The following NELL1 variants were observed in gnomAD, a reference collection of about 807,000 sequenced individuals.
The protein encoded by NELL1 is protein kinase C-binding protein NELL1.
NELL1 carries 76 observed loss-of-function variants against 107.4 expected under a neutral mutation model. The ratio of observed to expected loss-of-function variants is 0.71; its 90% CI spans 0.59 to 0.86. The LOEUF is 0.86. Among genes scored for constraint, NELL1 ranks in the 40% least tolerant of loss-of-function variants. NELL1 has a pLI of 0.00. For synonymous variants in NELL1, 353 were observed against 341.2 expected (o/e 1.03, Z -0.38); for missense variants, 1,024 against 1,005.5 (o/e 1.02, Z -0.25).
At chr11:20,919,168 A>G (rs1590415100) in intron 6 of NELL1, 84 bp from the exon 7 acceptor site, 1 of 739,524 alleles carries the variant, frequency 1.4e-6, no homozygotes, top group East Asian at 3.1e-5. Context: ...ACTCTTCTAC[A>G]TAGTCACGTA....
chr11:21,105,792 C>G (rs1240980973), intron 12 of NELL1, among the ~76,000 whole-genome samples: 1 of 106,198 alleles, frequency 9.4e-6, no homozygotes, highest in Non-Finnish European at 1.9e-5. Flanking sequence ...CCTCCCCTCC[C>G]CAACCTTCCC....
chr11:20,709,778 A>G (rs1481014754), intron 2 of NELL1, among the ~76,000 whole-genome samples: 1 of 151,970 alleles, frequency 6.6e-6, no homozygotes, highest in East Asian at 1.9e-4. Context: ...GTATATTATT[A>G]ATATTTTATT....
intron 4 of NELL1, among the ~76,000 whole-genome samples, chr11:20,855,888 A>G (rs1348193678): frequency 6.6e-6 from 1 of 152,248 alleles, no homozygotes; most frequent in Non-Finnish European, 1.5e-5. Context: ...AAAAACAAAA[A>G]CAAAACAAAG....
chr11:21,267,359 T>TG (rs912028986), intron 14 of NELL1, among the ~76,000 whole-genome samples: 6 of 152,092 alleles, frequency 3.9e-5, no homozygotes, highest in Admixed American at 3.3e-4. Flanking sequence ...GTATTACCTG[T>TG]GGGGGTTTGA....
chr11:20,752,650 G>A (rs1856168296), intron 2 of NELL1, among the ~76,000 whole-genome samples: 1 of 152,172 alleles, frequency 6.6e-6, no homozygotes, highest in Non-Finnish European at 1.5e-5. Flanking sequence ...TCTAGTTCAA[G>A]TCAGCTTTGG....
At chr11:20,798,635 G>A (rs542521587) in intron 3 of NELL1, among the ~76,000 whole-genome samples, 2 of 152,194 alleles carry the variant, frequency 1.3e-5, no homozygotes, top group South Asian at 4.1e-4. Flanking sequence ...ATGAAAGATA[G>A]ATTTAACTCC....
intron 2 of NELL1, among the ~76,000 whole-genome samples, chr11:20,742,525 T>C (rs1239870932): frequency 2.6e-5 from 4 of 152,126 alleles, no homozygotes; most frequent in Admixed American, 6.5e-5. Context: ...GAAAAGATGT[T>C]TAATAGACTC....
chr11:20,826,648 G>A lies in NELL1; in HGVS notation c.336-20935G>A, dbSNP rs76586545. On this transcript the variant is annotated intron_variant, in intron 3 of 19. Coordinates refer to ENST00000357134, the MANE Select transcript of NELL1 (RefSeq NM_006157.5). ...ATTGCACAATTCTGGATTAGGAACC[G>A]GCTGGGGGATTGACACCCCTTCAGG... Among the ~76,000 whole-genome samples, 4 of 151,086 alleles carry A rather than the reference G, an allele frequency of 2.6e-5. 1 individual carries two copies. Among genetic ancestry groups the A allele is most frequent in the Admixed American group, 1.3e-4 (2 of 15,012 alleles).
chr11:20,806,719 A>G (rs1031996875), intron 3 of NELL1, among the ~76,000 whole-genome samples: 2 of 152,038 alleles, frequency 1.3e-5, no homozygotes, highest in Non-Finnish European at 2.9e-5. Flanking sequence ...GGTGTGCTTC[A>G]TAGTGTTTTA....
intron 15 of NELL1, among the ~76,000 whole-genome samples, chr11:21,495,168 C>G (rs1311744090): frequency 2.6e-5 from 4 of 152,146 alleles, no homozygotes; most frequent in Admixed American, 2.6e-4. Context: ...CGCGTAATCC[C>G]TTTCCCCTAA....
intron 15 of NELL1, among the ~76,000 whole-genome samples, chr11:21,407,900 A>G (rs933626281): frequency 1.3e-5 from 2 of 151,716 alleles, no homozygotes; most frequent in Non-Finnish European, 2.9e-5. Context: ...CATTTCAAAT[A>G]CTCTCATACT....
chr11:21,557,669 G>A (rs537470054), intron 16 of NELL1, among the ~76,000 whole-genome samples: 1 of 151,900 alleles, frequency 6.6e-6, no homozygotes, highest in Non-Finnish European at 1.5e-5. Flanking sequence ...CTAATTTGCT[G>A]TATTTTTTCT....
chr11:21,041,460 C>T (rs1043410773), intron 12 of NELL1, among the ~76,000 whole-genome samples: 2 of 151,960 alleles, frequency 1.3e-5, no homozygotes, highest in Non-Finnish European at 2.9e-5. Flanking sequence ...TATTTCTCAC[C>T]AGCTATAGGT....
chr11:21,291,380 A>C (rs1849257594), intron 14 of NELL1, among the ~76,000 whole-genome samples: 1 of 151,870 alleles, frequency 6.6e-6, no homozygotes. Context: ...ATGCCCATGG[A>C]AGAAAGCAGA....
chr11:20,975,956 T>TATATGTACATATATGTGTACA (rs59420210), intron 12 of NELL1, among the ~76,000 whole-genome samples: 1 of 129,582 alleles, frequency 7.7e-6, no homozygotes, highest in African/African-American at 3.0e-5. Flanking sequence ...TATATGTACA[T>TATATGTACATATATGTGTACA]TATATATACA....
intron 2 of NELL1, among the ~76,000 whole-genome samples, chr11:20,679,263 G>A (rs1854135220): frequency 6.6e-6 from 1 of 152,120 alleles, no homozygotes; most frequent in African/African-American, 2.4e-5. Flanking sequence ...CAGAGAAGTG[G>A]GGCCTTTGTA....
At chr11:20,851,391 C>T (rs775517534) in intron 4 of NELL1, among the ~76,000 whole-genome samples, 3 of 152,142 alleles carry the variant, frequency 2.0e-5, no homozygotes, top group Non-Finnish European at 4.4e-5. Flanking sequence ...TAGCAGATTA[C>T]CTCAAGCTAG....
intron 3 of NELL1, among the ~76,000 whole-genome samples, chr11:20,845,174 G>T (rs1285737755): frequency 2.0e-5 from 3 of 152,112 alleles, no homozygotes; most frequent in African/African-American, 7.2e-5. Context: ...TTGAATATGT[G>T]CAGGATGTGG....
intron 14 of NELL1, among the ~76,000 whole-genome samples, chr11:21,297,812 C>T (rs778800167): frequency 2.6e-5 from 4 of 151,728 alleles, no homozygotes; most frequent in South Asian, 2.1e-4. Flanking sequence ...AGGACAGAGG[C>T]GGGGAAGGGA....
Sources: gnomAD v4.1 joint callset for allele counts (sites outside exome capture counted in the v4.1 genomes callset) on GRCh38, gnomAD v4.1.1 for gene constraint, MANE v1.5 for transcripts, NCBI Gene and HGNC (gene_info 2026-07-23, HGNC 2026-07-21) for gene names.